The following ADCY2 variants were observed in gnomAD, a reference collection of about 807,000 sequenced individuals.
ADCY2 encodes the protein adenylate cyclase type 2.
ADCY2 carries 31 observed loss-of-function variants against 125.2 expected under a neutral mutation model. That is an observed-to-expected ratio of 0.25 (90% confidence interval 0.19 to 0.33). ADCY2 has a LOEUF of 0.33. Among genes scored for constraint, ADCY2 ranks in the 10% least tolerant of loss-of-function variants. The probability of loss-of-function intolerance (pLI) is 1.00; values close to 1 mark genes in which losing one functional copy is unlikely to be tolerated. For missense variants in ADCY2, 904 were observed against 1,418.2 expected, an observed-to-expected ratio of 0.64 and a Z score of 5.82; for synonymous variants, 512 against 548.4, an observed-to-expected ratio of 0.93 and a Z score of 0.93.
chr5:7,540,963 ACT>A (rs948389019), intron 3 of ADCY2, among the ~76,000 whole-genome samples: 4 of 151,714 alleles, frequency 2.6e-5, no homozygotes, highest in Non-Finnish European at 5.9e-5. Context: ...CTCAGGTTTC[ACT>A]CTCTCAGCTG....
intron 3 of ADCY2, among the ~76,000 whole-genome samples, chr5:7,577,671 T>C (rs1016603251): frequency 1.3e-5 from 2 of 152,050 alleles, no homozygotes; most frequent in African/African-American, 2.4e-5. Context: ...CCTAGACTAA[T>C]TTTTTAGAAT....
At chr5:7,499,667 ATATATATATATATATGTATATATATGTG>A (rs1317977844) in intron 2 of ADCY2, among the ~76,000 whole-genome samples, 7 of 119,746 alleles carry the variant, frequency 5.8e-5, no homozygotes, top group African/African-American at 1.3e-4. Flanking sequence ...ATATATATAT[ATATATATATATATATGTATATATATGTG>A]TATATATATG....
chr5:7,800,504 T>A (rs975477061), intron 20 of ADCY2: 3 of 151,582 alleles, frequency 2.0e-5, no homozygotes, highest in Admixed American at 2.0e-4. Context: ...TCTACTAAAA[T>A]AAAAAAAATT....
intron 3 of ADCY2, among the ~76,000 whole-genome samples, chr5:7,554,598 CA>C (rs1735445532): frequency 6.6e-6 from 1 of 152,016 alleles, no homozygotes; most frequent in Non-Finnish European, 1.5e-5. Context: ...CATTTAAGGC[CA>C]AAAAGCATGT....
chr5:7,651,676 C>A lies in ADCY2; in HGVS notation c.720+25360C>A, dbSNP rs1399535495. On this transcript the variant is annotated intron_variant, in intron 4 of 24. Coordinates refer to ENST00000338316, the MANE Select transcript of ADCY2 (RefSeq NM_020546.3). ...CAAATGTTAATATCCTTTGGCAACA[C>A]CCTCACAGACACACCCGGGAGCAAC... 3.9e-5 allele frequency among the ~76,000 whole-genome samples: 6 copies of A among 152,148 alleles called. No individual in the cohort carries two copies. The East Asian group carries it at 9.6e-4, about 24-fold the overall frequency.
At chr5:7,482,456 A>G (rs367677394) in intron 2 of ADCY2, among the ~76,000 whole-genome samples, 10 of 152,090 alleles carry the variant, frequency 6.6e-5, no homozygotes, top group African/African-American at 1.7e-4. Flanking sequence ...CTATTAGTCT[A>G]TTTCATTATT....
intron 2 of ADCY2, among the ~76,000 whole-genome samples, chr5:7,463,076 T>C (rs536434451): frequency 1.2e-4 from 18 of 152,352 alleles, no homozygotes; most frequent in Non-Finnish European, 2.1e-4. Flanking sequence ...CCCTTTGAAT[T>C]GGCTGATGTT....
intron 2 of ADCY2, among the ~76,000 whole-genome samples, chr5:7,459,319 G>A (rs1402525566): frequency 1.3e-5 from 2 of 152,202 alleles, no homozygotes; most frequent in Non-Finnish European, 2.9e-5. Flanking sequence ...GTGAACACTT[G>A]CCTAACCCCA....
intron 2 of ADCY2, among the ~76,000 whole-genome samples, chr5:7,478,488 C>T (rs1742601697): frequency 6.6e-6 from 1 of 152,080 alleles, no homozygotes; most frequent in African/African-American, 2.4e-5. Flanking sequence ...ATACCAGAAA[C>T]TCAAATATCT....
rs1222348730 is a variant in ADCY2 at position 7,814,385 on chromosome 5, G to T, written c.2884-2481G>T. Among the ~76,000 whole-genome samples the T allele has an allele frequency of 2.0e-5, 3 of 151,954 alleles. No individual in the cohort carries two copies. The East Asian group carries it at 5.8e-4, about 30-fold the overall frequency. On this transcript the variant is annotated intron_variant, in intron 22 of 24. Coordinates refer to ENST00000338316, the MANE Select transcript of ADCY2 (RefSeq NM_020546.3). ...GTTATTGTCAATGGAGACATTTCTGGTTGTCACAATGAGAGGTGAAGGATG... is the reference window on the plus strand; with the variant it reads ...GTTATTGTCAATGGAGACATTTCTGTTTGTCACAATGAGAGGTGAAGGATG...
intron 1 of ADCY2, among the ~76,000 whole-genome samples, chr5:7,404,444 T>C (rs1739393542): frequency 6.6e-6 from 1 of 152,166 alleles, no homozygotes; most frequent in South Asian, 2.1e-4. Context: ...TATATTTTGC[T>C]CAAGATACAC....
At chr5:7,581,414 C>G (rs73739853) in intron 3 of ADCY2, among the ~76,000 whole-genome samples, 2,052 of 152,168 alleles carry the variant, frequency 0.013, 42 homozygotes, top group African/African-American at 0.047. Context: ...TCTAAATCAA[C>G]TTTAATCACT....
intron 4 of ADCY2, among the ~76,000 whole-genome samples, chr5:7,626,994 TG>T (rs1354271234): frequency 6.6e-6 from 1 of 152,194 alleles, no homozygotes; most frequent in Non-Finnish European, 1.5e-5. Context: ...AACAAGTGGC[TG>T]GGGAAGTCAA....
intron 23 of ADCY2, among the ~76,000 whole-genome samples, 193 bp from the exon 24 acceptor site, chr5:7,820,371 GT>G (rs1745257558): frequency 6.6e-6 from 1 of 152,132 alleles, no homozygotes. Context: ...GTGTGTTCCT[GT>G]AGCCCCAGCT....
intron 2 of ADCY2, among the ~76,000 whole-genome samples, chr5:7,475,469 T>TC (rs1742488912): frequency 6.6e-6 from 1 of 151,662 alleles, no homozygotes; most frequent in Non-Finnish European, 1.5e-5. Context: ...GCAACCTCCG[T>TC]CCCCCGGGTT....
chr5:7,396,453 A>C lies in ADCY2; in HGVS notation c.157A>C (p.Ile53Leu). 1 of 1,577,420 alleles carries C rather than the reference A, an allele frequency of 6.3e-7. No individual in the cohort carries two copies. The highest frequency in any genetic ancestry group is 8.6e-7 in the Non-Finnish European group (1 of 1,162,282). ...QHPLIVFLLLIVMGSCLALLA... is the reference protein window; with the variant it reads ...QHPLIVFLLLLVMGSCLALLA... ...CCCGCTCATCGTCTTCCTGCTGCTC[A>C]TCGTCATGGGCTCCTGCCTCGCCCT... Residue 53 changes from isoleucine to leucine, a missense_variant, in exon 1 of 25, where the codon ATC (isoleucine) becomes CTC (leucine). Around this residue, in one of 7 missense-constraint regions of ADCY2, gnomAD observed 113 missense variants for 108.0 expected, o/e 1.05. Transcript: ENST00000338316. The surrounding 1 kb of genome is among the most constrained non-coding windows in gnomAD (Gnocchi z 5.7).
intron 2 of ADCY2, among the ~76,000 whole-genome samples, chr5:7,418,221 A>G (rs1431530655): frequency 6.6e-6 from 1 of 152,096 alleles, no homozygotes; most frequent in Non-Finnish European, 1.5e-5. Context: ...TGCCCCTAAT[A>G]TAACCCCAAC....
At chr5:7,743,575 A>G in intron 14 of ADCY2, 93 bp from the exon 15 acceptor site, 2 of 1,129,384 alleles carry the variant, frequency 1.8e-6, no homozygotes, top group Non-Finnish European at 2.6e-6. Context: ...TGCATTTAAT[A>G]AAGTCCTCGT....
chr5:7,541,625 C>T (rs1006475405), intron 3 of ADCY2, among the ~76,000 whole-genome samples: 1 of 152,206 alleles, frequency 6.6e-6, no homozygotes, highest in Non-Finnish European at 1.5e-5. Flanking sequence ...TTTTCAGGTA[C>T]ACCTTTCAGG....
Sources: gnomAD v4.1 joint callset for allele counts (sites outside exome capture counted in the v4.1 genomes callset) on GRCh38, gnomAD v4.1.1 for gene constraint, gnomAD v4.1.1 regional missense constraint, Gnocchi (gnomAD v3.1) non-coding constraint, MANE v1.5 for transcripts, NCBI Gene and HGNC (gene_info 2026-07-23, HGNC 2026-07-21) for gene names.